The following KLHL14 variants were observed in gnomAD, a reference collection of about 807,000 sequenced individuals.
The protein encoded by KLHL14 is kelch like family member 14.
In KLHL14, 22 loss-of-function variants were observed where a neutral mutation model predicts 64.3. The ratio of observed to expected loss-of-function variants is 0.34; its 90% CI spans 0.24 to 0.49. The LOEUF is 0.49. KLHL14 is among the 20% of genes least tolerant of loss of function. KLHL14 has a pLI of 0.99. For synonymous variants in KLHL14, 322 were observed against 333.4 expected (o/e 0.97, Z 0.37); for missense variants, 661 against 789.0 (o/e 0.84, Z 1.94).
At chr18:32,706,635 A>G (rs1431720051) in intron 3 of KLHL14, among the ~76,000 whole-genome samples, 1 of 152,174 alleles carries the variant, frequency 6.6e-6, no homozygotes, top group African/African-American at 2.4e-5. Context: ...CTTGGTCCCT[A>G]AACTGGTTTG....
chr18:32,741,538 A>G (rs1464615065), intron 3 of KLHL14, among the ~76,000 whole-genome samples: 2 of 152,260 alleles, frequency 1.3e-5, no homozygotes, highest in South Asian at 2.1e-4. Context: ...TTACAGAGAC[A>G]GTGAACTAAA....
intron 3 of KLHL14, among the ~76,000 whole-genome samples, chr18:32,715,491 G>A (rs1305403065): frequency 2.0e-5 from 3 of 148,116 alleles, no homozygotes; most frequent in Non-Finnish European, 4.5e-5. Context: ...TAAATGCATG[G>A]GTATTTACCG....
At chr18:32,712,997 G>T (rs1399833045) in intron 3 of KLHL14, among the ~76,000 whole-genome samples, 1 of 152,072 alleles carries the variant, frequency 6.6e-6, no homozygotes. Context: ...CAATCTGTAA[G>T]CCAGCATGCT....
chr18:32,697,450 T>C (rs1426154463), intron 3 of KLHL14, among the ~76,000 whole-genome samples: 1 of 152,224 alleles, frequency 6.6e-6, no homozygotes, highest in Non-Finnish European at 1.5e-5. Flanking sequence ...TGAGATACAG[T>C]GCAGTCATAG....
At chr18:32,719,311 TAATA>T (rs1477950439) in intron 3 of KLHL14, among the ~76,000 whole-genome samples, 1 of 152,270 alleles carries the variant, frequency 6.6e-6, no homozygotes, top group African/African-American at 2.4e-5. Context: ...GGCAGGCACT[TAATA>T]AAACTGGCCA....
At chr18:32,733,555 G>C (rs2050147455) in intron 3 of KLHL14, 1 of 152,194 alleles carries the variant, frequency 6.6e-6, no homozygotes, top group Admixed American at 6.5e-5. Context: ...AGAACTGCTA[G>C]CCTTGAGTAA....
chr18:32,735,512 A>G (rs1199281274), intron 3 of KLHL14, among the ~76,000 whole-genome samples: 1 of 152,066 alleles, frequency 6.6e-6, no homozygotes, highest in Non-Finnish European at 1.5e-5. Flanking sequence ...TTTTTGCAGC[A>G]TCTTTGCCTT....
rs114586802 is a variant in KLHL14 at position 32,724,613 on chromosome 18, T to C, written c.1069+17315A>G. 5.6e-3 allele frequency among the ~76,000 whole-genome samples: 852 copies of C among 152,284 alleles called. 6 individuals are homozygous for C. Among genetic ancestry groups the C allele is most frequent in the African/African-American group, 0.019 (806 of 41,552 alleles). On this transcript the variant is annotated intron_variant, in intron 3 of 8. Coordinates refer to ENST00000359358, the MANE Select transcript of KLHL14 (RefSeq NM_020805.3). ...AGTAATGCTATTGACCTCACATTGT[T>C]ACTCTGAGTATTTAATGGGATAATT...
At chr18:32,697,886 T>C (rs1056451680) in intron 3 of KLHL14, among the ~76,000 whole-genome samples, 1 of 152,180 alleles carries the variant, frequency 6.6e-6, no homozygotes, top group African/African-American at 2.4e-5. Context: ...TATTTACACA[T>C]TTTTACCTTT....
intron 3 of KLHL14, among the ~76,000 whole-genome samples, chr18:32,716,476 AC>A (rs1184344298): frequency 6.6e-6 from 1 of 151,658 alleles, no homozygotes; most frequent in Non-Finnish European, 1.5e-5. Flanking sequence ...GTGCAATGGC[AC>A]GATCTCGGCT....
At chr18:32,734,684 T>C (rs984190256) in intron 3 of KLHL14, among the ~76,000 whole-genome samples, 3 of 152,246 alleles carry the variant, frequency 2.0e-5, no homozygotes, top group African/African-American at 7.2e-5. Context: ...GGAACAACTC[T>C]ATTCCAGATC....
intron 2 of KLHL14, among the ~76,000 whole-genome samples, chr18:32,757,735 A>C (rs1160313784): frequency 6.6e-6 from 1 of 152,240 alleles, no homozygotes; most frequent in Non-Finnish European, 1.5e-5. Flanking sequence ...AGTCCAGAAT[A>C]TCATTTAAGA....
At chr18:32,688,234 G>T (rs2049889534) in intron 4 of KLHL14, among the ~76,000 whole-genome samples, 1 of 152,016 alleles carries the variant, frequency 6.6e-6, no homozygotes, top group African/African-American at 2.4e-5. Context: ...TTGAGAGATG[G>T]GTACCAAATT....
chr18:32,684,177 A>C (rs575864372), intron 5 of KLHL14, among the ~76,000 whole-genome samples: 1 of 152,332 alleles, frequency 6.6e-6, no homozygotes, highest in South Asian at 2.1e-4. Flanking sequence ...TGAAGAATTA[A>C]ATTCTAAATC....
rs1162513883 is a variant in KLHL14 at position 32,687,250 on chromosome 18, G to A, written c.1160-17C>T. On this transcript the variant is annotated splice_polypyrimidine_tract_variant and intron_variant, in intron 4 of 8. Coordinates refer to ENST00000359358, the MANE Select transcript of KLHL14 (RefSeq NM_020805.3). ...TGTGTTTTCCTGTAAAAATGCATTCGAGACATTTAAAACTTAGATTCTTTT... is the reference window on the plus strand; with the variant it reads ...TGTGTTTTCCTGTAAAAATGCATTCAAGACATTTAAAACTTAGATTCTTTT... 1.9e-6 allele frequency: 3 copies of A among 1,593,380 alleles called. No homozygotes were observed. Among genetic ancestry groups the A allele is most frequent in the Non-Finnish European group, 8.6e-7 (1 of 1,161,322 alleles).
intron 5 of KLHL14, among the ~76,000 whole-genome samples, chr18:32,682,472 C>T (rs559516471): frequency 1.3e-5 from 2 of 152,052 alleles, no homozygotes; most frequent in African/African-American, 4.8e-5. Context: ...GGTCCGTGAG[C>T]CTCTGAAATT....
intron 4 of KLHL14, among the ~76,000 whole-genome samples, chr18:32,688,229 A>G (rs767977002): frequency 5.3e-5 from 8 of 152,138 alleles, no homozygotes; most frequent in Non-Finnish European, 8.8e-5. Context: ...AAACATTGAG[A>G]GATGGGTACC....
intron 4 of KLHL14, among the ~76,000 whole-genome samples, chr18:32,695,066 T>C (rs1190454826): frequency 7.2e-5 from 11 of 152,184 alleles, no homozygotes; most frequent in Non-Finnish European, 2.9e-5. Flanking sequence ...ATAATGCTTA[T>C]GTATTGCAAC....
intron 3 of KLHL14, among the ~76,000 whole-genome samples, chr18:32,732,192 C>T (rs1381701405): frequency 6.6e-6 from 1 of 152,098 alleles, no homozygotes; most frequent in Non-Finnish European, 1.5e-5. Flanking sequence ...CCACTGCATT[C>T]CTGCCTGAGA....
Sources: gnomAD v4.1 joint callset for allele counts (sites outside exome capture counted in the v4.1 genomes callset) on GRCh38, gnomAD v4.1.1 for gene constraint, MANE v1.5 for transcripts, NCBI Gene and HGNC (gene_info 2026-07-23, HGNC 2026-07-21) for gene names.